Variants in SCN8A observed in about 807,000 individuals in gnomAD.
SCN8A encodes sodium channel protein type 8 subunit alpha.
Under a neutral mutation model 184.1 loss-of-function variants are expected in SCN8A, and 30 were observed. The ratio of observed to expected loss-of-function variants is 0.16; its 90% confidence interval spans 0.12 to 0.22. The LOEUF (loss-of-function observed/expected upper bound fraction) is 0.22. Ranked by LOEUF, SCN8A falls within the 10% of genes least tolerant of loss-of-function variation. SCN8A has a pLI of 1.00. For missense variants in SCN8A, 1,057 were observed against 2,498.9 expected, an observed-to-expected ratio of 0.42 and a Z score of 12.30; for synonymous variants, 852 against 907.0, an observed-to-expected ratio of 0.94 and a Z score of 1.09.
intron 1 of SCN8A, among the ~76,000 whole-genome samples, chr12:51,649,123 C>T (rs1940653840): frequency 6.6e-6 from 1 of 152,132 alleles, no homozygotes; most frequent in Non-Finnish European, 1.5e-5. Flanking sequence ...TTTAAAGCTC[C>T]CAAGTGATCT....
At chr12:51,780,373 G>A (rs1309156340) in intron 20 of SCN8A, 2 of 345,218 alleles carry the variant, frequency 5.8e-6, no homozygotes, top group Non-Finnish European at 1.1e-5. Flanking sequence ...TTGTGTGTAT[G>A]TTCTACCGCC....
rs753888316 is a variant in SCN8A at position 51,746,044 on chromosome 12, C to A, written c.2131+9C>A. On this transcript the variant is annotated intron_variant, in intron 13 of 26. Transcript: ENST00000627620. Reference sequence around the variant, plus strand: ...AAATACACTAGTAGAAGGTATGTGCCCTATAATGTCAGTCCAACCGCTGAG... The same window carrying A: ...AAATACACTAGTAGAAGGTATGTGCACTATAATGTCAGTCCAACCGCTGAG... 4 of 1,581,998 alleles carry A rather than the reference C, an allele frequency of 2.5e-6. No individual in the cohort carries two copies. The highest frequency in any genetic ancestry group is 1.7e-6 in the Non-Finnish European group (2 of 1,165,814).
At chr12:51,712,329 ATCCT>A (rs1941892290) in intron 11 of SCN8A, 1 of 579,086 alleles carries the variant, frequency 1.7e-6, no homozygotes, top group African/African-American at 1.9e-5. Context: ...ACTATGGATC[ATCCT>A]TCCTTCTGTG....
At chr12:51,674,315 T>G (rs1692934578) in intron 2 of SCN8A, among the ~76,000 whole-genome samples, 2 of 152,078 alleles carry the variant, frequency 1.3e-5, no homozygotes, top group Non-Finnish European at 1.5e-5. Context: ...TTAACAGAAA[T>G]ATTAGCCCCT....
chr12:51,707,492 G>T (rs1457184308), intron 11 of SCN8A, among the ~76,000 whole-genome samples: 2 of 152,078 alleles, frequency 1.3e-5, no homozygotes, highest in African/African-American at 2.4e-5. Flanking sequence ...AGGCTGGGAG[G>T]CTAGGCCAGT....
chr12:51,636,679 A>T (rs1940325703), intron 1 of SCN8A, among the ~76,000 whole-genome samples: 1 of 152,234 alleles, frequency 6.6e-6, no homozygotes, highest in East Asian at 1.9e-4. Flanking sequence ...CTTTCTTAAG[A>T]CAATAGCTGG....
At chr12:51,608,854 T>C (rs1939656073) in intron 1 of SCN8A, among the ~76,000 whole-genome samples, 1 of 152,230 alleles carries the variant, frequency 6.6e-6, no homozygotes, top group South Asian at 2.1e-4. Context: ...TACAGTCTTT[T>C]TGATGTAGGC....
intron 26 of SCN8A, among the ~76,000 whole-genome samples, chr12:51,799,011 T>C (rs1938485940): frequency 6.6e-6 from 1 of 152,214 alleles, no homozygotes; most frequent in Admixed American, 6.5e-5. Flanking sequence ...CCTTCAGTGC[T>C]CTCCTTCAGG....
intron 6 of SCN8A, among the ~76,000 whole-genome samples, chr12:51,696,700 T>C (rs1941598473): frequency 6.6e-6 from 1 of 152,082 alleles, no homozygotes; most frequent in Non-Finnish European, 1.5e-5. Flanking sequence ...GATGAGAAAA[T>C]GAGACTATGA....
chr12:51,804,125 TC>T (rs1405877525), intron 26 of SCN8A, among the ~76,000 whole-genome samples: 1 of 152,158 alleles, frequency 6.6e-6, no homozygotes, highest in East Asian at 1.9e-4. Context: ...ACTTTTCAAC[TC>T]CCTTCCTTCT....
rs148085836 is a variant in SCN8A, at chr12:51,620,302, T to C, written c.-55+28943T>C. On this transcript the variant is annotated intron_variant, in intron 1 of 26. Transcript: ENST00000627620. The stretch of plus-strand genomic sequence containing the variant: ...TCATGTTTACTTGGGTATGATTGTA[T>C]TGGTTTTTACTTCAATTAATTTCAA... Among the ~76,000 whole-genome samples the C allele has an allele frequency of 9.8e-5, 15 of 152,340 alleles. 1 individual carries two copies. The East Asian group carries it at 2.3e-3, about 24-fold the overall frequency.
At chr12:51,672,711 A>G (rs1941153909) in intron 2 of SCN8A, among the ~76,000 whole-genome samples, 1 of 152,034 alleles carries the variant, frequency 6.6e-6, no homozygotes, top group Admixed American at 6.6e-5. Context: ...TTCCCCTCAA[A>G]CCTGCTTATC....
At chr12:51,770,172 T>G (rs1417272351) in intron 18 of SCN8A, 187 bp downstream of exon 18, 1 of 594,792 alleles carries the variant, frequency 1.7e-6, no homozygotes, top group Admixed American at 3.1e-5. Flanking sequence ...ATATAACAAG[T>G]TTCTATTCTC....
intron 15 of SCN8A, among the ~76,000 whole-genome samples, chr12:51,765,171 G>T (rs777736447): frequency 1.3e-5 from 2 of 151,882 alleles, no homozygotes; most frequent in African/African-American, 4.8e-5. Context: ...ATATCACAAC[G>T]GTTTTTTTTT....
intron 1 of SCN8A, among the ~76,000 whole-genome samples, chr12:51,627,391 G>A (rs1033903679): frequency 4.6e-5 from 7 of 152,130 alleles, no homozygotes; most frequent in African/African-American, 1.7e-4. Context: ...ATGAATGAGT[G>A]TATCTCTTTG....
intron 2 of SCN8A, among the ~76,000 whole-genome samples, chr12:51,680,118 A>T (rs534204818): frequency 6.6e-6 from 1 of 152,334 alleles, no homozygotes; most frequent in South Asian, 2.1e-4. Context: ...TTCCTACTAA[A>T]GTATGGGAGA....
intron 6 of SCN8A, among the ~76,000 whole-genome samples, chr12:51,699,160 G>A (rs569911387): frequency 6.6e-6 from 1 of 152,328 alleles, no homozygotes; most frequent in Admixed American, 6.5e-5. Context: ...TTTAAACTGG[G>A]CCTTGAAGGA....
chr12:51,793,739 C>T (rs1938330549), intron 25 of SCN8A, among the ~76,000 whole-genome samples: 1 of 151,994 alleles, frequency 6.6e-6, no homozygotes, highest in South Asian at 2.1e-4. Flanking sequence ...TTGGGAGGCT[C>T]AGGCAGGAGG....
intron 14 of SCN8A, among the ~76,000 whole-genome samples, chr12:51,761,634 G>A (rs930449078): frequency 3.9e-4 from 59 of 151,770 alleles, no homozygotes; most frequent in African/African-American, 1.3e-3. Flanking sequence ...TACCATAGGC[G>A]CCCACCACCA....
Sources: allele counts gnomAD v4.1 joint callset (sites outside exome capture counted in the v4.1 genomes callset), GRCh38; gene constraint gnomAD v4.1.1; transcripts MANE v1.5; gene names NCBI Gene and HGNC (gene_info 2026-07-23, HGNC 2026-07-21).